The following TLE3 variants were observed in gnomAD, a reference collection of about 807,000 sequenced individuals.
The protein encoded by TLE3 is TLE family member 3, transcriptional corepressor, also known as transducin-like enhancer protein 3.
A neutral mutation model predicts 93.0 loss-of-function variants in TLE3; 14 were observed. That is an observed-to-expected ratio of 0.15 (90% CI 0.10 to 0.24). The LOEUF (loss-of-function observed/expected upper bound fraction) is 0.24, where lower values mean the gene tolerates loss of function less well. TLE3 is among the 10% of genes least tolerant of loss of function. TLE3 has a pLI of 1.00. For missense variants in TLE3, 693 were observed against 1,046.6 expected, an observed-to-expected ratio of 0.66 and a Z score of 4.66; for synonymous variants, 451 against 425.0, an observed-to-expected ratio of 1.06 and a Z score of -0.75.
intron 4 of TLE3, among the ~76,000 whole-genome samples, chr15:70,084,935 G>A (rs2057974051): frequency 6.6e-6 from 1 of 152,170 alleles, no homozygotes; most frequent in African/African-American, 2.4e-5. Context: ...CATCCTTCAT[G>A]GCACTCCCTA....
chr15:70,088,637 T>C (rs960432686), intron 4 of TLE3, among the ~76,000 whole-genome samples: 2 of 152,208 alleles, frequency 1.3e-5, no homozygotes, highest in African/African-American at 4.8e-5. Flanking sequence ...AAGTGCTCTC[T>C]TAAACCAGAC....
chr15:70,060,551 C>T lies in TLE3; in HGVS notation c.693G>A (p.Glu231=). 6.2e-7 allele frequency: 1 copy of T among 1,613,976 alleles called. No individual in the cohort carries two copies. The highest frequency in any genetic ancestry group is 1.3e-5 in the African/African-American group (1 of 75,052). The change falls in exon 9 of 20, where the codon GAG becomes GAA. Residue 231 remains glutamate, a synonymous_variant. Transcript: ENST00000451782. ...SMEAKKRKAE[E]KDSLSRYDSD... ...GTACGTATCGGCTCAAGCTGTCCTT[C>T]TCCTCCGCCTTCCGCTTCTTGGCTT... is the stretch of plus-strand genomic sequence containing the variant.
At chr15:70,085,762 C>T (rs1331915407) in intron 4 of TLE3, among the ~76,000 whole-genome samples, 1 of 152,228 alleles carries the variant, frequency 6.6e-6, no homozygotes, top group Non-Finnish European at 1.5e-5. Context: ...GCTTCTCCCC[C>T]ATTTCAAGTC....
Position 70,057,629 on chromosome 15 carries a change from T to C in TLE3, c.1081A>G (p.Thr361Ala), listed in dbSNP as rs768223187. 1 of 1,584,580 alleles carries C rather than the reference T, an allele frequency of 6.3e-7. No individual in the cohort carries two copies. The highest frequency in any genetic ancestry group is 1.1e-5 in the South Asian group (1 of 87,592). ...GCGAAGGGCGCCGCATAGGAGCTGG[T>C]GATGGAGATGGGCGTGCGCAGAGCC... ...ASALRTPISI[T>A]SSYAAPFAMM... Residue 361 changes from threonine (T) to alanine (A), a missense_variant, in exon 13 of 20, where the codon ACC (threonine) becomes GCC (alanine). By Grantham distance (58) the Thr-to-Ala change is moderately conservative. Coordinates refer to ENST00000451782, the MANE Select transcript of TLE3 (RefSeq NM_001105192.3).
chr15:70,097,262 T>G lies in TLE3; in HGVS notation c.-464A>C. On this transcript the variant is annotated 5_prime_UTR_variant, in exon 1 of 20. It removes an upstream start codon present in the reference 5' UTR. Transcript: ENST00000451782. ...GGGCGCGCCGGGGCAGCCCCAAGCA[T>G]CCGGGGCGCGCGGGTCCGATCCTAG... is the stretch of plus-strand genomic sequence containing the variant. 1 of 399,696 alleles carries G rather than the reference T, an allele frequency of 2.5e-6. No individual in the cohort carries two copies. The highest frequency in any genetic ancestry group is 4.4e-6 in the Non-Finnish European group (1 of 227,678). 24.8% of individuals were successfully genotyped at this position (399,696 alleles called of 1,614,324 possible). A position where few individuals can be genotyped will look rare whatever the true frequency, so the allele number is the denominator to read the frequency against.
At chr15:70,081,061 T>G (rs1220714211) in intron 4 of TLE3, among the ~76,000 whole-genome samples, 1 of 152,208 alleles carries the variant, frequency 6.6e-6, no homozygotes, top group Non-Finnish European at 1.5e-5. Context: ...AAGAGAAAAC[T>G]GCCCCTTCAA....
intron 8 of TLE3, 98 bp downstream of exon 8, chr15:70,064,356 C>T (rs1039893859): frequency 1.6e-5 from 24 of 1,465,326 alleles, no homozygotes; most frequent in Admixed American, 7.4e-5. Context: ...CTTTGGATAC[C>T]GACTGACTGG....
chr15:70,091,963 C>G (rs1331150456), intron 4 of TLE3, among the ~76,000 whole-genome samples: 2 of 151,916 alleles, frequency 1.3e-5, no homozygotes, highest in African/African-American at 4.8e-5. Flanking sequence ...AAAGTACAGA[C>G]AGTCCCCACC....
chr15:70,056,386 G>A lies in TLE3; in HGVS notation c.1252-12C>T, dbSNP rs368785085. The A allele has an allele frequency of 4.3e-6, 7 of 1,610,374 alleles. No individual in the cohort carries two copies. Among genetic ancestry groups the A allele is most frequent in the Non-Finnish European group, 5.9e-6 (7 of 1,177,784 alleles). ...GGGTCAAAACCAACCTGTAAAGCAA[G>A]GCAAGACAGCCCTCCATCAGCCGTG... is the stretch of plus-strand genomic sequence containing the variant. On this transcript the variant is annotated splice_polypyrimidine_tract_variant and intron_variant, in intron 13 of 19. Coordinates refer to ENST00000451782, the MANE Select transcript of TLE3 (RefSeq NM_001105192.3).
At position 70,058,559 on chromosome 15, in the gene TLE3, C is replaced by T; in HGVS notation, c.918+104G>A. On this transcript the variant is annotated intron_variant, in intron 11 of 19. Coordinates refer to ENST00000451782, the MANE Select transcript of TLE3 (RefSeq NM_001105192.3). The surrounding 1 kb of genome is among the most constrained non-coding windows in gnomAD (Gnocchi z 4.1). ...AGAAGGTAAACCGGGGCCAATCACC[C>T]ACCCAGCTTCTCCCACTCCACCCCT... 2 of 1,450,916 alleles carry T rather than the reference C, an allele frequency of 1.4e-6. No individual in the cohort carries two copies. Among genetic ancestry groups the T allele is most frequent in the Non-Finnish European group, 1.8e-6 (2 of 1,095,632 alleles). 89.9% of individuals were successfully genotyped at this position (1,450,916 alleles called of 1,614,324 possible). A position where few individuals can be genotyped will look rare whatever the true frequency, so the allele number is the denominator to read the frequency against.
Position 70,059,400 on chromosome 15 carries a change from C to T in TLE3, c.765+10G>A. 6.2e-7 allele frequency: 1 copy of T among 1,608,618 alleles called. No homozygotes were observed. The highest frequency in any genetic ancestry group is 8.5e-7 in the Non-Finnish European group (1 of 1,177,464). Reference sequence around the variant, plus strand: ...ACCAAGAGCCCCCTTGCGACCGGGCCTGCCCATACCTCATTGGAAACATCC... The same window carrying T: ...ACCAAGAGCCCCCTTGCGACCGGGCTTGCCCATACCTCATTGGAAACATCC... On this transcript the variant is annotated intron_variant, in intron 10 of 19. Coordinates refer to ENST00000451782, the MANE Select transcript of TLE3 (RefSeq NM_001105192.3).
At chr15:70,051,140 G>C (rs1331146649) in intron 19 of TLE3, 2 of 372,370 alleles carry the variant, frequency 5.4e-6, no homozygotes, top group Non-Finnish European at 9.9e-6. Flanking sequence ...AAGCGCCCCG[G>C]CTTAGAAGCC....
At chr15:70,087,936 C>T (rs2058107244) in intron 4 of TLE3, among the ~76,000 whole-genome samples, 1 of 152,212 alleles carries the variant, frequency 6.6e-6, no homozygotes, top group Non-Finnish European at 1.5e-5. Flanking sequence ...CTGGTGTGAA[C>T]CTGTACTTAA....
At chr15:70,060,686 T>C (rs1174558991) in intron 8 of TLE3, 37 bp from the exon 9 acceptor site, 5 of 1,609,290 alleles carry the variant, frequency 3.1e-6, no homozygotes, top group Admixed American at 1.7e-5. Context: ...TAAAACTTTC[T>C]GCTGCGTGTA....
At chr15:70,063,622 C>T (rs2056633721) in intron 8 of TLE3, among the ~76,000 whole-genome samples, 2 of 152,220 alleles carry the variant, frequency 1.3e-5, no homozygotes, top group Non-Finnish European at 2.9e-5. Flanking sequence ...GCCATCCTAA[C>T]AGATTAGATG....
chr15:70,079,398 G>T (rs756998503), intron 4 of TLE3: 5 of 448,390 alleles, frequency 1.1e-5, no homozygotes, highest in Non-Finnish European at 2.2e-5. Context: ...CTGGGCTTAC[G>T]TTGGGAGAAC....
intron 4 of TLE3, among the ~76,000 whole-genome samples, chr15:70,081,270 C>G (rs1394248418): frequency 6.6e-6 from 1 of 152,184 alleles, no homozygotes; most frequent in Non-Finnish European, 1.5e-5. Flanking sequence ...CCTAAATATT[C>G]CCGAATTGGC....
In TLE3 at chr15:70,096,153, G is replaced by A. The variant is rs577845137; in HGVS notation, c.125+8C>T. On this transcript the variant is annotated splice_region_variant and intron_variant, in intron 2 of 19. Coordinates refer to ENST00000451782, the MANE Select transcript of TLE3 (RefSeq NM_001105192.3). ...CGCCAGCCCCGGGGCGGCCCCCACCGGCCTTACCTGTGATACTGAGCTTGC... is the reference window on the plus strand; with the variant it reads ...CGCCAGCCCCGGGGCGGCCCCCACCAGCCTTACCTGTGATACTGAGCTTGC... 2.8e-5 allele frequency: 44 copies of A among 1,550,752 alleles called. No homozygotes were observed. Among genetic ancestry groups the A allele is most frequent in the South Asian group, 1.8e-4 (15 of 84,160 alleles).
chr15:70,072,021 G>C (rs377400228), intron 6 of TLE3, among the ~76,000 whole-genome samples: 2 of 152,232 alleles, frequency 1.3e-5, no homozygotes, highest in Non-Finnish European at 2.9e-5. Context: ...TCGGCTGTCC[G>C]TAATTCCTGC....
Sources: gnomAD v4.1 joint callset for allele counts (sites outside exome capture counted in the v4.1 genomes callset) on GRCh38, gnomAD v4.1.1 for gene constraint, Gnocchi (gnomAD v3.1) non-coding constraint, MANE v1.5 for transcripts, NCBI Gene and HGNC (gene_info 2026-07-23, HGNC 2026-07-21) for gene names.